ARHGAP32: variants seen among roughly 807,000 people sequenced by gnomAD.
ARHGAP32 encodes Rho GTPase activating protein 32, also known as rho GTPase-activating protein 32.
Under a neutral mutation model 186.5 loss-of-function variants are expected in ARHGAP32, and 51 were observed. The observed-to-expected ratio is 0.27, with a 90% confidence interval of 0.22 to 0.35. ARHGAP32 has a LOEUF of 0.35. Among genes scored for constraint, ARHGAP32 ranks in the 10% least tolerant of loss-of-function variants. The pLI, the probability that ARHGAP32 is intolerant of heterozygous loss-of-function variation, is 1.00. For missense variants in ARHGAP32, 2,186 were observed against 2,623.5 expected (o/e 0.83, Z 3.64); for synonymous variants, 950 against 964.3 (o/e 0.99, Z 0.27).
chr11:129,276,507 A>C (rs760670928), intron 1 of ARHGAP32, among the ~76,000 whole-genome samples: 6 of 152,100 alleles, frequency 3.9e-5, no homozygotes, highest in Non-Finnish European at 8.8e-5. Context: ...GGGCCTCTCT[A>C]TGCTGCCCAG....
intron 1 of ARHGAP32, among the ~76,000 whole-genome samples, chr11:129,209,316 A>T (rs1334274080): frequency 6.6e-6 from 1 of 152,066 alleles, no homozygotes; most frequent in East Asian, 1.9e-4. Flanking sequence ...AAGAAGTTAG[A>T]GAGAGGCAAG....
chr11:129,153,925 T>G (rs1295291730), intron 2 of ARHGAP32, among the ~76,000 whole-genome samples: 1 of 151,558 alleles, frequency 6.6e-6, no homozygotes, highest in Non-Finnish European at 1.5e-5. Flanking sequence ...GCAAGAGAAA[T>G]AATCACCAGA....
chr11:129,244,266 T>G (rs1177862655), intron 1 of ARHGAP32, among the ~76,000 whole-genome samples: 2 of 152,210 alleles, frequency 1.3e-5, no homozygotes, highest in Non-Finnish European at 2.9e-5. Context: ...GTCAGAGAGA[T>G]AATTAACTTT....
rs777726344 is a variant in ARHGAP32, at chr11:128,974,167, T to G, written c.3030A>C (p.Ser1010=). Residue 1010 remains serine (S), a synonymous_variant, in exon 21 of 23, where the codon TCA becomes TCC. Coordinates refer to ENST00000682385, the MANE Select transcript of ARHGAP32 (RefSeq NM_001378024.1). ...ELPGKEDQSV[S]SSQSKAVASG... is the part of the protein sequence containing the mutation. ...AAGCTACAGCCTTACTCTGACTGCT[T>G]GAGACAGACTGATCCTCTTTCCCTG... 3.7e-6 allele frequency: 6 copies of G among 1,614,040 alleles called. No homozygotes were observed. The Admixed American group carries it at 1.0e-4, about 27-fold the overall frequency.
chr11:129,226,012 A>C (rs767022610), intron 1 of ARHGAP32, among the ~76,000 whole-genome samples: 1 of 152,208 alleles, frequency 6.6e-6, no homozygotes, highest in African/African-American at 2.4e-5. Context: ...GAGAAAATGG[A>C]AGAAAAATTC....
chr11:129,275,710 C>T (rs1449130973), intron 1 of ARHGAP32, among the ~76,000 whole-genome samples: 1 of 152,200 alleles, frequency 6.6e-6, no homozygotes, highest in African/African-American at 2.4e-5. Context: ...CAAGAATGAA[C>T]GACTGTGTTC....
intron 1 of ARHGAP32, among the ~76,000 whole-genome samples, chr11:129,219,296 T>C (rs1196069463): frequency 2.0e-5 from 3 of 152,208 alleles, no homozygotes; most frequent in African/African-American, 7.2e-5. Context: ...AAAATCATTC[T>C]CTCATTCTTT....
At chr11:129,134,161 T>G (rs1425210687) in intron 2 of ARHGAP32, among the ~76,000 whole-genome samples, 2 of 151,878 alleles carry the variant, frequency 1.3e-5, no homozygotes, top group African/African-American at 4.8e-5. Context: ...AATCATATAG[T>G]CATCTCTGAG....
At chr11:129,106,734 CAAG>C (rs1325209512) in intron 5 of ARHGAP32, among the ~76,000 whole-genome samples, 4 of 151,682 alleles carry the variant, frequency 2.6e-5, no homozygotes, top group Admixed American at 1.3e-4. Flanking sequence ...CAGATTTGAT[CAAG>C]AAGAAGAAAG....
intron 1 of ARHGAP32, among the ~76,000 whole-genome samples, chr11:129,229,521 CTA>C (rs1220888240): frequency 6.6e-6 from 1 of 152,066 alleles, no homozygotes; most frequent in Non-Finnish European, 1.5e-5. Flanking sequence ...CGTTTTTACA[CTA>C]TGTTAAGTCT....
At chr11:129,259,036 G>C (rs778157523) in intron 1 of ARHGAP32, among the ~76,000 whole-genome samples, 33 of 152,132 alleles carry the variant, frequency 2.2e-4, no homozygotes, top group Non-Finnish European at 4.7e-4. Flanking sequence ...TAGTCATAAA[G>C]AGAACTACCT....
At chr11:128,980,802 A>C in intron 17 of ARHGAP32, 54 bp from the exon 18 acceptor site, 1 of 1,311,690 alleles carries the variant, frequency 7.6e-7, no homozygotes, top group Non-Finnish European at 1.1e-6. Context: ...AGTGTATTCA[A>C]TTTGTTAGTA....
At chr11:128,991,610 C>T (rs1036281401) in intron 12 of ARHGAP32, among the ~76,000 whole-genome samples, 1 of 152,100 alleles carries the variant, frequency 6.6e-6, no homozygotes, top group African/African-American at 2.4e-5. Flanking sequence ...AAATGCACAG[C>T]GAATAATGAC....
chr11:129,016,731 G>C lies in ARHGAP32; in HGVS notation c.1046-18263C>G. Among the ~76,000 whole-genome samples the C allele has an allele frequency of 2.6e-5, 4 of 152,208 alleles. No individual in the cohort carries two copies. The South Asian group carries it at 8.3e-4, about 32-fold the overall frequency. ...TTCACATAAATTTTAGAATCAGCTT[G>C]TCAAATTAGAAGGAGAAAAAAAACT... On this transcript the variant is annotated intron_variant, in intron 11 of 22. Transcript: ENST00000682385.
chr11:129,018,593 C>T (rs1415512585), intron 11 of ARHGAP32, among the ~76,000 whole-genome samples: 3 of 152,100 alleles, frequency 2.0e-5, no homozygotes, highest in Non-Finnish European at 2.9e-5. Context: ...AACTTTAGTT[C>T]GCATTCATCT....
intron 2 of ARHGAP32, among the ~76,000 whole-genome samples, chr11:129,126,577 C>T (rs943190967): frequency 6.6e-6 from 1 of 151,904 alleles, no homozygotes; most frequent in Admixed American, 6.6e-5. Context: ...AGAAAGATAC[C>T]TTATAATGAA....
chr11:129,245,032 T>A (rs1945072828), intron 1 of ARHGAP32, among the ~76,000 whole-genome samples: 1 of 151,986 alleles, frequency 6.6e-6, no homozygotes, highest in East Asian at 1.9e-4. Flanking sequence ...ATTGTGGAAG[T>A]CAGTGTGGCG....
chr11:129,225,283 ATTCAC>A (rs1466561288), intron 1 of ARHGAP32, among the ~76,000 whole-genome samples: 1 of 152,218 alleles, frequency 6.6e-6, no homozygotes, highest in Non-Finnish European at 1.5e-5. Context: ...CTCAAAGTCT[ATTCAC>A]ATGTACAGGG....
chr11:129,072,402 A>T (rs1007837399), intron 6 of ARHGAP32, among the ~76,000 whole-genome samples: 1 of 152,172 alleles, frequency 6.6e-6, no homozygotes, highest in African/African-American at 2.4e-5. Context: ...GTCTAGTTAC[A>T]AAGTAATCAC....
Sources: allele counts gnomAD v4.1 joint callset (sites outside exome capture counted in the v4.1 genomes callset), GRCh38; gene constraint gnomAD v4.1.1; transcripts MANE v1.5; gene names NCBI Gene and HGNC (gene_info 2026-07-23, HGNC 2026-07-21).